Variants in DLG2 observed in about 807,000 individuals in gnomAD.
The protein encoded by DLG2 is discs large MAGUK scaffold protein 2, also known as disks large homolog 2.
A neutral mutation model predicts 132.5 loss-of-function variants in DLG2; 45 were observed. The ratio of observed to expected loss-of-function variants is 0.34; its 90% CI spans 0.27 to 0.44. The LOEUF (loss-of-function observed/expected upper bound fraction) is 0.44, where lower values mean the gene tolerates loss of function less well. Ranked by LOEUF, DLG2 falls within the 20% of genes least tolerant of loss-of-function variation. DLG2 has a pLI of 1.00. For missense variants in DLG2, 1,045 were observed against 1,196.9 expected, an observed-to-expected ratio of 0.87 and a Z score of 1.87; for synonymous variants, 424 against 419.6, an observed-to-expected ratio of 1.01 and a Z score of -0.13.
At chr11:84,640,952 C>CAAAAAAAAAAAAA (rs34851864) in intron 6 of DLG2, among the ~76,000 whole-genome samples, 2 of 85,414 alleles carry the variant, frequency 2.3e-5, no homozygotes, top group Non-Finnish European at 4.5e-5. Context: ...AACAAACAAA[C>CAAAAAAAAAAAAA]AAAAAAAAAA....
At chr11:84,787,918 G>T (rs2073181662) in intron 6 of DLG2, among the ~76,000 whole-genome samples, 1 of 137,660 alleles carries the variant, frequency 7.3e-6, no homozygotes, top group Admixed American at 7.7e-5. Flanking sequence ...GGCCAATATG[G>T]TGAAACCCTG....
intron 6 of DLG2, among the ~76,000 whole-genome samples, chr11:84,714,876 G>A (rs1479892456): frequency 6.6e-6 from 1 of 151,764 alleles, no homozygotes. Flanking sequence ...TGCTGTTTTA[G>A]TCCTTGAACT....
intron 7 of DLG2, among the ~76,000 whole-genome samples, chr11:84,278,459 T>C (rs1161330470): frequency 1.3e-5 from 1 of 77,534 alleles, no homozygotes; most frequent in Non-Finnish European, 2.5e-5. Context: ...GAGGAACAAA[T>C]ACTTTCCAGA....
At chr11:84,269,145 A>G (rs985543635) in intron 7 of DLG2, among the ~76,000 whole-genome samples, 3 of 152,204 alleles carry the variant, frequency 2.0e-5, no homozygotes, top group African/African-American at 4.8e-5. Flanking sequence ...TGCATAGGAT[A>G]GTATTCAAGT....
At chr11:84,186,588 C>T (rs1273462685) in intron 8 of DLG2, among the ~76,000 whole-genome samples, 7 of 151,722 alleles carry the variant, frequency 4.6e-5, no homozygotes, top group South Asian at 4.2e-4. Flanking sequence ...GGGCAAAATC[C>T]TAGGGGCATT....
intron 7 of DLG2, among the ~76,000 whole-genome samples, chr11:84,324,977 T>G (rs1218296341): frequency 6.6e-6 from 1 of 152,108 alleles, no homozygotes; most frequent in South Asian, 2.1e-4. Flanking sequence ...CAAATATAAT[T>G]TTACTTCTTC....
intron 4 of DLG2, among the ~76,000 whole-genome samples, chr11:85,171,172 T>C (rs1366839143): frequency 6.6e-6 from 1 of 150,846 alleles, no homozygotes; most frequent in East Asian, 2.0e-4. Flanking sequence ...CAGGGAGGAG[T>C]GAAAACAGGA....
intron 6 of DLG2, among the ~76,000 whole-genome samples, chr11:84,941,484 C>CAT (rs2154097624): frequency 6.6e-6 from 1 of 152,126 alleles, no homozygotes; most frequent in African/African-American, 2.4e-5. Flanking sequence ...TTAAAAGGAT[C>CAT]ATATGGTTTT....
intron 9 of DLG2, among the ~76,000 whole-genome samples, chr11:84,149,275 G>A (rs2095209485): frequency 6.6e-6 from 1 of 152,014 alleles, no homozygotes; most frequent in Non-Finnish European, 1.5e-5. Context: ...TGAGGATTTT[G>A]CCATAAATTC....
chr11:85,300,429 C>T (rs1281252440), intron 3 of DLG2, among the ~76,000 whole-genome samples: 4 of 152,050 alleles, frequency 2.6e-5, no homozygotes, highest in Non-Finnish European at 4.4e-5. Context: ...AATGGAATCA[C>T]TACAGGAAAA....
chr11:85,283,653 A>G (rs2078375537), intron 4 of DLG2, among the ~76,000 whole-genome samples: 2 of 151,900 alleles, frequency 1.3e-5, no homozygotes, highest in African/African-American at 4.8e-5. Context: ...ATGATAGTGA[A>G]CACGTAACTG....
At chr11:85,222,589 CA>C (rs2074719488) in intron 4 of DLG2, among the ~76,000 whole-genome samples, 1 of 152,112 alleles carries the variant, frequency 6.6e-6, no homozygotes, top group Admixed American at 6.6e-5. Context: ...AGTGAGTCCC[CA>C]AAGAGGTTAA....
At chr11:84,708,547 C>A (rs1281875909) in intron 6 of DLG2, among the ~76,000 whole-genome samples, 1 of 150,794 alleles carries the variant, frequency 6.6e-6, no homozygotes, top group Non-Finnish European at 1.5e-5. Flanking sequence ...TTTTTTTTTT[C>A]TTTGCAAACT....
Position 84,364,225 on chromosome 11 carries a change from C to A in DLG2, c.520-112934G>T, listed in dbSNP as rs555092182. Among the ~76,000 whole-genome samples the A allele has an allele frequency of 1.1e-4, 16 of 152,110 alleles. No homozygotes were observed. The South Asian group carries it at 2.1e-3, about 20-fold the overall frequency. ...TAGTTCTCCTTGAAGAGGTCCTTCA[C>A]ATCCCTTGTAAGTTGGATTCCTAGG... On this transcript the variant is annotated intron_variant, in intron 7 of 27. Coordinates refer to ENST00000376104, the MANE Select transcript of DLG2 (RefSeq NM_001142699.3).
chr11:83,691,670 C>T (rs917172611), intron 18 of DLG2, among the ~76,000 whole-genome samples: 2 of 152,140 alleles, frequency 1.3e-5, no homozygotes, highest in African/African-American at 4.8e-5. Flanking sequence ...CAGTGGAGAT[C>T]AGAAGCCGAT....
chr11:85,272,164 CTTGATGGTT>C (rs1185139330), intron 4 of DLG2, among the ~76,000 whole-genome samples: 1 of 152,088 alleles, frequency 6.6e-6, no homozygotes, highest in African/African-American at 2.4e-5. Flanking sequence ...TCTCACAAGA[CTTGATGGTT>C]TTATAAAGGG....
At chr11:84,968,764 C>A (rs1416902278) in intron 6 of DLG2, among the ~76,000 whole-genome samples, 1 of 151,984 alleles carries the variant, frequency 6.6e-6, no homozygotes, top group Non-Finnish European at 1.5e-5. Context: ...AGGGAGAGGG[C>A]AATTTTGTGA....
chr11:85,226,433 A>G (rs2152628273), intron 4 of DLG2, among the ~76,000 whole-genome samples: 1 of 152,174 alleles, frequency 6.6e-6, no homozygotes, highest in East Asian at 1.9e-4. Context: ...TTAGGACAAA[A>G]CACCAGCTAC....
intron 7 of DLG2, among the ~76,000 whole-genome samples, chr11:84,284,808 A>G (rs930463754): frequency 1.3e-5 from 2 of 152,054 alleles, no homozygotes; most frequent in African/African-American, 4.8e-5. Flanking sequence ...CTCTCCCCCT[A>G]CTTGCTTTCT....
Sources: allele counts gnomAD v4.1 joint callset (sites outside exome capture counted in the v4.1 genomes callset), GRCh38; gene constraint gnomAD v4.1.1; transcripts MANE v1.5; gene names NCBI Gene and HGNC (gene_info 2026-07-23, HGNC 2026-07-21).